The following PIP5K1B variants were observed in gnomAD, a reference collection of about 807,000 sequenced individuals.
PIP5K1B encodes the protein phosphatidylinositol-4-phosphate 5-kinase type 1 beta.
A neutral mutation model predicts 67.0 loss-of-function variants in PIP5K1B; 42 were observed. That is an observed-to-expected ratio of 0.63 (90% CI 0.49 to 0.81). PIP5K1B has a LOEUF of 0.81. Among genes scored for constraint, PIP5K1B ranks in the 30% least tolerant of loss-of-function variants. The pLI, the probability that PIP5K1B is intolerant of heterozygous loss-of-function variation, is 0.00. For synonymous variants in PIP5K1B, 214 were observed against 231.4 expected (o/e 0.92, Z 0.68); for missense variants, 459 against 646.3 (o/e 0.71, Z 3.14).
intron 6 of PIP5K1B, among the ~76,000 whole-genome samples, chr9:68,886,212 G>T (rs1438119782): frequency 6.6e-6 from 1 of 151,998 alleles, no homozygotes; most frequent in Non-Finnish European, 1.5e-5. Context: ...AGATGATGTG[G>T]TTCTTTAAGC....
chr9:68,771,801 C>G (rs1247147061), intron 2 of PIP5K1B, among the ~76,000 whole-genome samples: 1 of 152,110 alleles, frequency 6.6e-6, no homozygotes, highest in Non-Finnish European at 1.5e-5. Context: ...GTACCATTTC[C>G]TAATAAGTGG....
intron 2 of PIP5K1B, among the ~76,000 whole-genome samples, chr9:68,745,836 C>T (rs1223297127): frequency 6.6e-6 from 1 of 152,134 alleles, no homozygotes; most frequent in East Asian, 1.9e-4. Context: ...CTTTATTTCC[C>T]TCACAGTACA....
At position 68,797,780 on chromosome 9, in the gene PIP5K1B, A is replaced by T. The variant is rs1832374318; in HGVS notation, c.-85-20681A>T. On this transcript the variant is annotated intron_variant, in intron 2 of 15. Coordinates refer to ENST00000265382, the MANE Select transcript of PIP5K1B (RefSeq NM_003558.4). ...AAATTTTTTGTGCTGTTAGTAATTA[A>T]TACTCCAAAATGTGATAAAGATCAC... Among the ~76,000 whole-genome samples the T allele has an allele frequency of 2.0e-5, 3 of 152,200 alleles. No individual in the cohort carries two copies. In the East Asian group the frequency reaches 5.8e-4, roughly 29 times the overall value.
chr9:68,920,477 C>G (rs1826325505), intron 11 of PIP5K1B, among the ~76,000 whole-genome samples: 1 of 143,504 alleles, frequency 7.0e-6, no homozygotes. Context: ...AAGCAATTCT[C>G]TTACCTCACC....
chr9:68,746,207 T>C (rs1447652204), intron 2 of PIP5K1B, among the ~76,000 whole-genome samples: 6 of 151,416 alleles, frequency 4.0e-5, no homozygotes, highest in Admixed American at 1.3e-4. Context: ...GCCTCCCGAG[T>C]AGCTAGGACT....
chr9:68,752,662 G>C (rs1482533816), intron 2 of PIP5K1B, among the ~76,000 whole-genome samples: 2 of 151,950 alleles, frequency 1.3e-5, no homozygotes, highest in African/African-American at 4.8e-5. Flanking sequence ...CTTTTGCCAG[G>C]AGTTACCAAT....
At chr9:68,832,847 G>A (rs1276403613) in intron 4 of PIP5K1B, among the ~76,000 whole-genome samples, 2 of 152,214 alleles carry the variant, frequency 1.3e-5, no homozygotes, top group Non-Finnish European at 2.9e-5. Flanking sequence ...CTACTTCATT[G>A]CAGATCAGGA....
intron 5 of PIP5K1B, among the ~76,000 whole-genome samples, chr9:68,874,370 C>T (rs1270842727): frequency 6.6e-6 from 1 of 152,048 alleles, no homozygotes; most frequent in Non-Finnish European, 1.5e-5. Context: ...ATAAATGTTC[C>T]CCTTCTCTAC....
chr9:68,937,732 G>A (rs376130638), intron 13 of PIP5K1B, among the ~76,000 whole-genome samples: 45 of 152,230 alleles, frequency 3.0e-4, no homozygotes, highest in African/African-American at 9.2e-4. Flanking sequence ...GCTTTCTCTT[G>A]TGGGCATTTA....
intron 14 of PIP5K1B, among the ~76,000 whole-genome samples, chr9:68,950,925 G>A (rs149058107): frequency 2.0e-5 from 3 of 152,268 alleles, no homozygotes; most frequent in African/African-American, 7.2e-5. Context: ...ACCTGCTGCT[G>A]AGGACTCATT....
At chr9:68,878,054 T>TGTGTGTGTGTG (rs57528951) in intron 6 of PIP5K1B, among the ~76,000 whole-genome samples, 6 of 148,074 alleles carry the variant, frequency 4.1e-5, no homozygotes, top group East Asian at 2.0e-4. Flanking sequence ...TGTGTGTGTG[T>TGTGTGTGTGTG]TAGAGAACAC....
At chr9:68,899,787 C>T (rs1825270428) in intron 8 of PIP5K1B, among the ~76,000 whole-genome samples, 1 of 152,032 alleles carries the variant, frequency 6.6e-6, no homozygotes, top group Non-Finnish European at 1.5e-5. Context: ...ATTTTAAGTT[C>T]AGGGGTACAT....
chr9:68,826,395 G>A lies in PIP5K1B; in HGVS notation c.69+3712G>A, dbSNP rs142213737. On this transcript the variant is annotated intron_variant, in intron 4 of 15. Transcript: ENST00000265382. Reference sequence around the variant, plus strand: ...AGCTATGAATGAATGCTCGCCCAGGGTTGCCAGATACTCTGATGTTTTTCA... The same window carrying A: ...AGCTATGAATGAATGCTCGCCCAGGATTGCCAGATACTCTGATGTTTTTCA... Among the ~76,000 whole-genome samples, 436 of 152,318 alleles carry A rather than the reference G, an allele frequency of 2.9e-3. 5 individuals carry two copies. The highest frequency in any genetic ancestry group is 0.018 in the East Asian group (94 of 5,186).
intron 2 of PIP5K1B, among the ~76,000 whole-genome samples, chr9:68,775,279 C>T (rs142904478): frequency 2.5e-4 from 38 of 152,310 alleles, no homozygotes; most frequent in African/African-American, 8.9e-4. Flanking sequence ...TTTCCTTCTT[C>T]ACAACTTCAT....
At chr9:68,786,142 C>G (rs138293832) in intron 2 of PIP5K1B, 1 of 152,146 alleles carries the variant, frequency 6.6e-6, no homozygotes, top group Non-Finnish European at 1.5e-5. Flanking sequence ...GCTATCATTG[C>G]GTGGCAGCCA....
At chr9:68,846,616 C>T (rs948284550) in intron 4 of PIP5K1B, among the ~76,000 whole-genome samples, 4 of 152,180 alleles carry the variant, frequency 2.6e-5, no homozygotes, top group Non-Finnish European at 5.9e-5. Flanking sequence ...ATCACTGCAT[C>T]GTCAATTTGA....
chr9:68,922,729 C>T (rs1047196944), intron 11 of PIP5K1B, among the ~76,000 whole-genome samples: 1 of 152,148 alleles, frequency 6.6e-6, no homozygotes. Flanking sequence ...TAATTCAATT[C>T]AACTCTATGC....
intron 4 of PIP5K1B, among the ~76,000 whole-genome samples, chr9:68,841,649 C>CA (rs912481861): frequency 7.3e-5 from 11 of 151,150 alleles, no homozygotes; most frequent in Non-Finnish European, 1.5e-4. Flanking sequence ...TAACTTGGGA[C>CA]AAAAAAAAGG....
chr9:68,932,427 A>G (rs1481361521), intron 12 of PIP5K1B, among the ~76,000 whole-genome samples: 1 of 152,214 alleles, frequency 6.6e-6, no homozygotes, highest in East Asian at 1.9e-4. Flanking sequence ...AATATTTATT[A>G]ATTCTTACCA....
Sources: gnomAD v4.1 joint callset for allele counts (sites outside exome capture counted in the v4.1 genomes callset) on GRCh38, gnomAD v4.1.1 for gene constraint, MANE v1.5 for transcripts, NCBI Gene and HGNC (gene_info 2026-07-23, HGNC 2026-07-21) for gene names.